TBCA: variants seen among roughly 807,000 people sequenced by gnomAD.
The protein encoded by TBCA is tubulin-specific chaperone A.
Under a neutral mutation model 15.8 loss-of-function variants are expected in TBCA, and 6 were observed. The ratio of observed to expected loss-of-function variants is 0.38; its 90% CI spans 0.21 to 0.75. The LOEUF is 0.75. Ranked by LOEUF, TBCA falls within the 30% of genes least tolerant of loss-of-function variation. TBCA has a pLI of 0.46. For synonymous variants in TBCA, 32 were observed against 42.3 expected (o/e 0.76, Z 0.94); for missense variants, 90 against 131.2 (o/e 0.69, Z 1.53).
intron 1 of TBCA, among the ~76,000 whole-genome samples, chr5:77,719,608 TTTAA>T (rs1353651169): frequency 2.0e-5 from 3 of 152,204 alleles, no homozygotes; most frequent in African/African-American, 4.8e-5. Flanking sequence ...GAATATGTGC[TTTAA>T]TTAATTTTAA....
intron 1 of TBCA, among the ~76,000 whole-genome samples, chr5:77,772,076 C>G (rs1747927509): frequency 6.7e-6 from 1 of 148,688 alleles, no homozygotes; most frequent in Admixed American, 6.7e-5. Flanking sequence ...GTTTTTAAAC[C>G]ATTGATTAAA....
At chr5:77,717,846 A>AC (rs1746436811) in intron 1 of TBCA, among the ~76,000 whole-genome samples, 1 of 137,848 alleles carries the variant, frequency 7.3e-6, no homozygotes, top group African/African-American at 2.8e-5. Flanking sequence ...AGAAAAAAAA[A>AC]AGGCCGGGGG....
chr5:77,758,538 C>T (rs975375070), intron 1 of TBCA, among the ~76,000 whole-genome samples: 11 of 152,188 alleles, frequency 7.2e-5, no homozygotes, highest in Non-Finnish European at 1.2e-4. Flanking sequence ...AGTAGCTTGC[C>T]GATGCTCCCA....
At position 77,708,302 on chromosome 5, in the gene TBCA, T is replaced by C. The variant is rs372910552; in HGVS notation, c.99A>G (p.Gln33=). 256 of 1,611,908 alleles carry C rather than the reference T, an allele frequency of 1.6e-4. No individual in the cohort carries two copies. The highest frequency in any genetic ancestry group is 1.9e-4 in the Non-Finnish European group (220 of 1,178,904). The change falls in exon 2 of 4, where the codon CAA becomes CAG. Residue 33 remains glutamine (Q), a synonymous_variant. Coordinates refer to ENST00000380377, the MANE Select transcript of TBCA (RefSeq NM_004607.3). Reference sequence around the variant, plus strand: ...CTCTCATTTTTTCAATCTTTTCTTCTTGTTGTTTTGCCTCTTTTTCATACA... The same window carrying C: ...CTCTCATTTTTTCAATCTTTTCTTCCTGTTGTTTTGCCTCTTTTTCATACA... The part of the protein sequence containing the change: ...KVMYEKEAKQ[Q]EEKIEKMRAE...
chr5:77,694,564 G>A (rs1230201245), intron 2 of TBCA, among the ~76,000 whole-genome samples: 1 of 152,106 alleles, frequency 6.6e-6, no homozygotes, highest in African/African-American at 2.4e-5. Context: ...GTAGCAGGAA[G>A]CTTTATTTCC....
chr5:77,738,000 T>A (rs951818593), intron 1 of TBCA, among the ~76,000 whole-genome samples: 1 of 152,230 alleles, frequency 6.6e-6, no homozygotes, highest in Non-Finnish European at 1.5e-5. Flanking sequence ...ACATTTCATT[T>A]ACCTTACCAA....
intron 1 of TBCA, among the ~76,000 whole-genome samples, chr5:77,756,569 G>T (rs1747481377): frequency 6.6e-6 from 1 of 150,488 alleles, no homozygotes; most frequent in African/African-American, 2.4e-5. Flanking sequence ...GAAGACTTTA[G>T]AATCTTCTAA....
rs910074844 is a variant in TBCA at position 77,764,248 on chromosome 5, G to A, written c.53+11957C>T. The stretch of plus-strand genomic sequence containing the variant: ...TAAAAATAGTAGTTACATCAGGTGG[G>A]GGTAATAGCACAAAATTAGATGTTA... On this transcript the variant is annotated intron_variant, in intron 1 of 3. Transcript: ENST00000380377. Among the ~76,000 whole-genome samples, 45 of 152,174 alleles carry A rather than the reference G, an allele frequency of 3.0e-4. 1 individual carries two copies. Among genetic ancestry groups the A allele is most frequent in the Non-Finnish European group, 1.5e-4 (10 of 67,982 alleles).
chr5:77,716,766 GCATTGTTAGGTGCCTACCCAGCAAC>G (rs1746407209), intron 1 of TBCA, among the ~76,000 whole-genome samples: 2 of 152,144 alleles, frequency 1.3e-5, no homozygotes, highest in East Asian at 3.8e-4. Context: ...ATTACAGCAG[GCATTGTTAGGTGCCTACCCAGCAAC>G]CATTCCTCCA....
intron 1 of TBCA, among the ~76,000 whole-genome samples, chr5:77,752,445 C>G (rs1747369302): frequency 2.0e-5 from 3 of 152,178 alleles, no homozygotes; most frequent in Admixed American, 2.0e-4. Flanking sequence ...CTCACTGCAA[C>G]CTCCGCCTCC....
At chr5:77,765,467 C>A (rs1747749548) in intron 1 of TBCA, among the ~76,000 whole-genome samples, 1 of 152,168 alleles carries the variant, frequency 6.6e-6, no homozygotes, top group Non-Finnish European at 1.5e-5. Context: ...TAACATTGGA[C>A]ATAGCCAGGA....
intron 1 of TBCA, among the ~76,000 whole-genome samples, chr5:77,763,256 TAAATA>T (rs1259062329): frequency 6.6e-6 from 1 of 151,578 alleles, no homozygotes; most frequent in East Asian, 1.9e-4. Flanking sequence ...AAAAAATAAA[TAAATA>T]AAATAAATAA....
At chr5:77,769,503 A>G (rs1164179052) in intron 1 of TBCA, among the ~76,000 whole-genome samples, 2 of 152,156 alleles carry the variant, frequency 1.3e-5, no homozygotes, top group Non-Finnish European at 2.9e-5. Flanking sequence ...TTCACTTTTT[A>G]TATCAGTATA....
chr5:77,709,156 A>T (rs1281454009), intron 1 of TBCA, among the ~76,000 whole-genome samples: 1 of 152,202 alleles, frequency 6.6e-6, no homozygotes, highest in East Asian at 1.9e-4. Flanking sequence ...ACAAGTATTT[A>T]TTGTGCGTTT....
At chr5:77,743,481 G>A (rs183579331) in intron 1 of TBCA, among the ~76,000 whole-genome samples, 184 of 152,332 alleles carry the variant, frequency 1.2e-3, no homozygotes, top group African/African-American at 4.3e-3. Context: ...GTGCAGATAC[G>A]AGTGGGGAAA....
rs1228033257 is a variant in TBCA, at chr5:77,766,673, C to T, written c.53+9532G>A. On this transcript the variant is annotated intron_variant, in intron 1 of 3. Coordinates refer to ENST00000380377, the MANE Select transcript of TBCA (RefSeq NM_004607.3). ...CACAGGCGCCCGCCACTGCGCCCGG[C>T]TAATTTTTTGTATTTTTAGTAGAGA... Among the ~76,000 whole-genome samples the T allele has an allele frequency of 3.5e-5, 3 of 84,862 alleles. 1 individual carries two copies. Among genetic ancestry groups the T allele is most frequent in the Non-Finnish European group, 7.4e-5 (3 of 40,472 alleles). The allele number at this position is 84,862 out of a possible 152,430, so 55.7% of individuals were successfully genotyped here. A position where few individuals can be genotyped will look rare whatever the true frequency, so the allele number is the denominator to read the frequency against.
chr5:77,728,978 T>A (rs957743396), intron 1 of TBCA, among the ~76,000 whole-genome samples: 1 of 152,148 alleles, frequency 6.6e-6, no homozygotes, highest in Non-Finnish European at 1.5e-5. Flanking sequence ...GCTGATATAT[T>A]ATAGTCGAAT....
At chr5:77,746,446 T>C (rs912988811) in intron 1 of TBCA, among the ~76,000 whole-genome samples, 3 of 152,138 alleles carry the variant, frequency 2.0e-5, no homozygotes, top group African/African-American at 7.2e-5. Flanking sequence ...TAAGGGAAGA[T>C]TGTCATACTA....
At chr5:77,715,352 G>A in intron 1 of TBCA, 1 of 688,296 alleles carries the variant, frequency 1.5e-6, no homozygotes, top group South Asian at 1.5e-5. Context: ...TTAACACTGT[G>A]CTATAGGCCT....
Sources: gnomAD v4.1 joint callset for allele counts (sites outside exome capture counted in the v4.1 genomes callset) on GRCh38, gnomAD v4.1.1 for gene constraint, MANE v1.5 for transcripts, NCBI Gene and HGNC (gene_info 2026-07-23, HGNC 2026-07-21) for gene names.